The following CTBP2 variants were observed in gnomAD, a reference collection of about 807,000 sequenced individuals.
CTBP2 encodes the protein C-terminal-binding protein 2.
In CTBP2, 30 loss-of-function variants were observed where a neutral mutation model predicts 80.3. The observed-to-expected ratio is 0.37, with a 90% CI of 0.28 to 0.51. The LOEUF is 0.51. Ranked by LOEUF, CTBP2 falls within the 20% of genes least tolerant of loss-of-function variation. The pLI, the probability that CTBP2 is intolerant of heterozygous loss-of-function variation, is 0.93. For synonymous variants in CTBP2, 594 were observed against 587.4 expected (o/e 1.01, Z -0.16); for missense variants, 1,212 against 1,375.3 (o/e 0.88, Z 1.88).
intron 1 of CTBP2, among the ~76,000 whole-genome samples, chr10:125,145,673 T>C (rs1381377672): frequency 2.6e-5 from 4 of 152,116 alleles, no homozygotes; most frequent in African/African-American, 9.7e-5. Flanking sequence ...TTGCCATGAA[T>C]CCTACTACTA....
intron 4 of CTBP2, chr10:124,996,049 T>G (rs5788687): frequency 6.1e-4 from 1 of 1,636 alleles, no homozygotes; most frequent in Admixed American, 7.0e-3. Flanking sequence ...TATTTCTTTG[T>G]TTTTTTTTTT....
intron 2 of CTBP2, among the ~76,000 whole-genome samples, chr10:125,062,457 A>AGTGCCATCC (rs11281141): frequency 4.0e-5 from 6 of 151,728 alleles, no homozygotes; most frequent in African/African-American, 1.2e-4. Context: ...ACGTGGGGAC[A>AGTGCCATCC]ACTCTGAAGG....
At chr10:125,008,705 T>C (rs1955532777) in intron 1 of CTBP2, among the ~76,000 whole-genome samples, 1 of 152,238 alleles carries the variant, frequency 6.6e-6, no homozygotes, top group Non-Finnish European at 1.5e-5. Flanking sequence ...TTCAAAGACT[T>C]TCCTCCCCGT....
rs771372169 is a variant in CTBP2 at position 125,027,267 on chromosome 10, ACAGGTGACCGGCGTCCTGCAGGG to A, written c.470_492del (p.Ala157ValfsTer7). On this transcript the variant is annotated frameshift_variant, in exon 1 of 9. Transcript: ENST00000309035. LOFTEE classifies it high-confidence loss of function. ...ATCATTTTACCTCCAGGATCCCGGT[ACAGGTGACCGGCGTCCTGCAGGG>A]CAGGTGACCGGCCTTGCATTGGATC... is the stretch of plus-strand genomic sequence containing the variant. 19 of 1,613,588 alleles carry A rather than the reference ACAGGTGACCGGCGTCCTGCAGGG, an allele frequency of 1.2e-5. No individual in the cohort carries two copies. Among genetic ancestry groups the A allele is most frequent in the African/African-American group, 2.7e-5 (2 of 74,930 alleles).
At position 124,984,616 on chromosome 10, in the gene CTBP2, T is replaced by G; in HGVS notation, c.*4902A>C. 3 of 690,840 alleles carry G rather than the reference T, an allele frequency of 4.3e-6. No individual in the cohort carries two copies. Among genetic ancestry groups the G allele is most frequent in the Non-Finnish European group, 7.0e-6 (3 of 427,990 alleles). The allele number at this position is 690,840 out of a possible 1,614,324, so 42.8% of individuals were successfully genotyped here. The stretch of plus-strand genomic sequence containing the variant: ...AATTTAACCAGAGCAAACTGGACTT[T>G]AATCACAAAACTTCCAAGAGGTCAA... On this transcript the variant is annotated 3_prime_UTR_variant, in exon 9 of 9. Transcript: ENST00000309035.
rs775918906 is a variant in CTBP2, at chr10:125,027,401, AC to A, written c.358del (p.Val120TyrfsTer53). The A allele has an allele frequency of 3.0e-5, 48 of 1,613,604 alleles. No individual in the cohort carries two copies. In the East Asian group the frequency reaches 1.0e-3, roughly 34 times the overall value. On this transcript the variant is annotated frameshift_variant, in exon 1 of 9. Transcript: ENST00000309035. LOFTEE classifies it high-confidence loss of function. ...CCGATAGAGGGGAGGCTCTTTGGGT[AC>A]CCTAGCAGCTCCAGACGGATCACTG...
chr10:125,028,222 C>T (rs1016053536), upstream of CTBP2, among the ~76,000 whole-genome samples: 10 of 152,316 alleles, frequency 6.6e-5, no homozygotes, highest in African/African-American at 1.9e-4. Context: ...TCCACACTGA[C>T]GCTCAGGTTT....
intron 2 of CTBP2, among the ~76,000 whole-genome samples, chr10:125,097,313 T>G (rs1389288202): frequency 2.0e-5 from 3 of 152,154 alleles, no homozygotes; most frequent in African/African-American, 7.2e-5. Context: ...ATTACAAAAT[T>G]TACTAGTCTC....
rs150839735 is a variant in CTBP2, at chr10:125,135,833, C to T, written c.-206+24486G>A. 5.5e-3 allele frequency among the ~76,000 whole-genome samples: 832 copies of T among 152,330 alleles called. 8 individuals carry two copies. The highest frequency in any genetic ancestry group is 9.3e-3 in the Non-Finnish European group (635 of 68,028). ...TGCCTGGCCCCACAGCAGGAGCGTACCTGTCAGTCAGGTGTGCATTTAAGA... is the reference window on the plus strand; with the variant it reads ...TGCCTGGCCCCACAGCAGGAGCGTATCTGTCAGTCAGGTGTGCATTTAAGA... On this transcript the variant is annotated intron_variant, in intron 1 of 10. Transcript: ENST00000337195.
chr10:125,075,544 T>C (rs1846151019), intron 2 of CTBP2, among the ~76,000 whole-genome samples: 1 of 152,162 alleles, frequency 6.6e-6, no homozygotes, highest in Non-Finnish European at 1.5e-5. Context: ...CCAATTTCTA[T>C]TCATTATAAA....
intron 2 of CTBP2, among the ~76,000 whole-genome samples, chr10:125,091,746 G>A (rs1180403705): frequency 6.6e-6 from 1 of 152,216 alleles, no homozygotes; most frequent in Non-Finnish European, 1.5e-5. Flanking sequence ...TACAGCCTGG[G>A]TGACAGAGTG....
At position 125,027,401 on chromosome 10, in the gene CTBP2, A is replaced by T. The variant is rs145765785; in HGVS notation, c.359T>A (p.Val120Glu). ...CCGATAGAGGGGAGGCTCTTTGGGTACCCTAGCAGCTCCAGACGGATCACT... is the reference window on the plus strand; with the variant it reads ...CCGATAGAGGGGAGGCTCTTTGGGTTCCCTAGCAGCTCCAGACGGATCACT... Residue 120 changes from valine to glutamate, a missense_variant, in exon 1 of 9, where the codon GTA (valine) becomes GAA (glutamate). Transcript: ENST00000309035. 1.7e-3 allele frequency: 2,708 copies of T among 1,613,722 alleles called. 22 individuals are homozygous for T. The Middle Eastern group carries it at 0.02, about 12-fold the overall frequency.
intron 1 of CTBP2, among the ~76,000 whole-genome samples, chr10:125,154,232 G>GA (rs780830399): frequency 6.6e-6 from 1 of 152,136 alleles, no homozygotes; most frequent in South Asian, 2.1e-4. Flanking sequence ...CCCCACGGAT[G>GA]AAAAGCCCAG....
intron 1 of CTBP2, among the ~76,000 whole-genome samples, chr10:125,111,298 A>G (rs1438899313): frequency 1.3e-5 from 2 of 152,242 alleles, no homozygotes; most frequent in African/African-American, 4.8e-5. Flanking sequence ...AGAACAAATG[A>G]ACCCTTTCCA....
chr10:125,048,363 A>G (rs1051587467), intron 2 of CTBP2, among the ~76,000 whole-genome samples: 4 of 152,182 alleles, frequency 2.6e-5, no homozygotes, highest in Non-Finnish European at 4.4e-5. Flanking sequence ...AGAAAATAAG[A>G]TCAGCTACTC....
chr10:125,018,627 G>T (rs568298169), intron 1 of CTBP2, among the ~76,000 whole-genome samples: 1 of 152,182 alleles, frequency 6.6e-6, no homozygotes, highest in Non-Finnish European at 1.5e-5. Context: ...ACTGAACTCA[G>T]TCAGGGCCCT....
At chr10:125,121,115 G>A (rs1273341031) in intron 1 of CTBP2, among the ~76,000 whole-genome samples, 1 of 152,218 alleles carries the variant, frequency 6.6e-6, no homozygotes, top group Non-Finnish European at 1.5e-5. Flanking sequence ...CAACCAAATG[G>A]TAAGGAGCCC....
intron 1 of CTBP2, among the ~76,000 whole-genome samples, chr10:125,016,106 C>T (rs920779242): frequency 1.3e-5 from 2 of 152,220 alleles, no homozygotes; most frequent in African/African-American, 4.8e-5. Context: ...TGCAGTGAGA[C>T]TGGGGTCTGG....
chr10:124,994,608 T>A lies in CTBP2; in HGVS notation c.2261A>T (p.Gln754Leu). Residue 754 changes from glutamine (Q) to leucine (L), a missense_variant, in exon 5 of 9, where the codon CAG (glutamine) becomes CTG (leucine). Gln to Leu is a moderately radical substitution (Grantham distance 113, BLOSUM62 -2). Around this residue, in one of 3 missense-constraint regions of CTBP2, gnomAD observed 335 missense variants for 504.7 expected, o/e 0.66. Transcript: ENST00000309035. ...GCCCAGGGACCGCTCGATCCCATCCTGCAAGTAGGGGTCATAAAATATGAC... is the reference window on the plus strand; with the variant it reads ...GCCCAGGGACCGCTCGATCCCATCCAGCAAGTAGGGGTCATAAAATATGAC... 2 of 1,614,148 alleles carry A rather than the reference T, an allele frequency of 1.2e-6. No individual in the cohort carries two copies. Among genetic ancestry groups the A allele is most frequent in the Non-Finnish European group, 1.7e-6 (2 of 1,179,968 alleles).
Sources: gnomAD v4.1 joint callset for allele counts (sites outside exome capture counted in the v4.1 genomes callset) on GRCh38, gnomAD v4.1.1 for gene constraint, gnomAD v4.1.1 regional missense constraint, MANE v1.5 for transcripts, NCBI Gene and HGNC (gene_info 2026-07-23, HGNC 2026-07-21) for gene names.